Variants in SHPRH observed in about 807,000 individuals in gnomAD.
SHPRH encodes the protein E3 ubiquitin-protein ligase SHPRH.
In SHPRH, 106 loss-of-function variants were observed where a neutral mutation model predicts 202.5. The observed-to-expected ratio is 0.52, with a 90% CI of 0.45 to 0.62. The LOEUF is 0.62. Among genes scored for constraint, SHPRH ranks in the 20% least tolerant of loss-of-function variants. The pLI, the probability that SHPRH is intolerant of heterozygous loss-of-function variation, is 0.00. For missense variants in SHPRH, 1,710 were observed against 2,020.0 expected (o/e 0.85, Z 2.94); for synonymous variants, 729 against 686.0 (o/e 1.06, Z -0.98).
intron 2 of SHPRH, chr6:145,877,842 C>T (rs1167978273): frequency 1.3e-5 from 2 of 152,196 alleles, no homozygotes; most frequent in Non-Finnish European, 2.9e-5. Context: ...ACTGTCCACC[C>T]GAAAATGTTT....
At chr6:145,891,147 C>G (rs1318318710) in intron 28 of SHPRH, among the ~76,000 whole-genome samples, 1 of 152,146 alleles carries the variant, frequency 6.6e-6, no homozygotes, top group Non-Finnish European at 1.5e-5. Flanking sequence ...GGCAAAAGCA[C>G]CATCCTCACA....
intron 25 of SHPRH, chr6:145,904,664 C>G (rs1406488890): frequency 6.6e-6 from 1 of 152,138 alleles, no homozygotes; most frequent in Non-Finnish European, 1.5e-5. Context: ...AAGAGCCAAC[C>G]TAAACATGGC....
chr6:145,924,614 C>T (rs1448570427), intron 17 of SHPRH, 125 bp downstream of exon 17: 3 of 656,810 alleles, frequency 4.6e-6, no homozygotes, highest in Non-Finnish European at 7.9e-6. Context: ...GTGGGTCAGG[C>T]AATGTGCTAG....
At chr6:145,949,912 G>A (rs1787800384) in intron 4 of SHPRH, among the ~76,000 whole-genome samples, 1 of 152,014 alleles carries the variant, frequency 6.6e-6, no homozygotes, top group South Asian at 2.1e-4. Context: ...ATTACATTGT[G>A]AGTTTCTTGC....
chr6:145,951,884 G>C (rs1788015799), intron 3 of SHPRH: 1 of 455,848 alleles, frequency 2.2e-6, no homozygotes, highest in Admixed American at 2.4e-5. Context: ...ACCAATGGCA[G>C]ACAACTCTGA....
At chr6:145,923,605 A>C in intron 18 of SHPRH, 38 bp downstream of exon 18, 2 of 1,590,314 alleles carry the variant, frequency 1.3e-6, no homozygotes, top group Non-Finnish European at 1.7e-6. Flanking sequence ...TTTGCTTTTA[A>C]AATTATGAGT....
intron 1 of SHPRH, among the ~76,000 whole-genome samples, chr6:145,957,503 A>T (rs1788626540): frequency 6.6e-6 from 1 of 152,184 alleles, no homozygotes; most frequent in Non-Finnish European, 1.5e-5. Context: ...AACTCTCACA[A>T]ATTAATAGTA....
At chr6:145,928,489 T>C (rs1785104541) in intron 14 of SHPRH, among the ~76,000 whole-genome samples, 1 of 151,968 alleles carries the variant, frequency 6.6e-6, no homozygotes, top group Admixed American at 6.6e-5. Flanking sequence ...CAAGCTGGTT[T>C]TATGAATATC....
chr6:145,908,526 T>C (rs529901066), intron 25 of SHPRH: 3 of 152,160 alleles, frequency 2.0e-5, no homozygotes, highest in African/African-American at 7.2e-5. Flanking sequence ...TGATGAACTT[T>C]TTTTCATGTT....
chr6:145,960,253 G>C (rs1241228154), intron 1 of SHPRH, among the ~76,000 whole-genome samples: 2 of 152,096 alleles, frequency 1.3e-5, no homozygotes, highest in Admixed American at 6.6e-5. Context: ...CACACAAGTA[G>C]TTTTCAAAGT....
At chr6:145,897,726 C>T (rs1245041943) in intron 25 of SHPRH, among the ~76,000 whole-genome samples, 3 of 151,980 alleles carry the variant, frequency 2.0e-5, no homozygotes, top group Middle Eastern at 3.4e-3. Context: ...GATGGTTTAA[C>T]GTATGCAAAC....
intron 25 of SHPRH, chr6:145,903,580 CA>C (rs770665925): frequency 6.6e-6 from 1 of 152,090 alleles, no homozygotes; most frequent in Middle Eastern, 3.4e-3. Context: ...TTTTAAAAAG[CA>C]GGCCAGTTGA....
intron 11 of SHPRH, among the ~76,000 whole-genome samples, chr6:145,939,617 C>T (rs9497434): frequency 0.63 from 96,269 of 151,934 alleles, 31,011 homozygotes; most frequent in African/African-American, 0.73. Context: ...GGTAAGATCT[C>T]AGACCTTATT....
chr6:145,865,893 T>C (rs1779759073), intron 2 of SHPRH, among the ~76,000 whole-genome samples: 1 of 152,248 alleles, frequency 6.6e-6, no homozygotes. Context: ...AAGAGCACCT[T>C]TTGCAGAAGC....
rs139389905 is a variant in SHPRH at position 145,959,655 on chromosome 6, C to T, written c.-33+4076G>A. Among the ~76,000 whole-genome samples the T allele has an allele frequency of 5.0e-3, 756 of 152,306 alleles. 4 individuals are homozygous for T. Among genetic ancestry groups the T allele is most frequent in the Admixed American group, 0.011 (173 of 15,306 alleles). On this transcript the variant is annotated intron_variant, in intron 1 of 29. Coordinates refer to ENST00000275233, the MANE Select transcript of SHPRH (RefSeq NM_001042683.3). The stretch of plus-strand genomic sequence containing the variant: ...CACTAGCCCCATGTGCTCAGTAGCG[C>T]TATGTGACTAGTGGCTACTGTACTG...
At chr6:145,963,132 G>C (rs1169633712) in intron 1 of SHPRH, among the ~76,000 whole-genome samples, 6 of 152,066 alleles carry the variant, frequency 3.9e-5, no homozygotes, top group Non-Finnish European at 8.8e-5. Context: ...GCTCTAGAAA[G>C]TGCAGGTTAT....
At chr6:145,883,983 A>C (rs2128703028), downstream of SHPRH, 1 of 152,328 alleles carries the variant, frequency 6.6e-6, no homozygotes. Context: ...TCGTCGTTTA[A>C]TAAACGTAAA....
intron 28 of SHPRH, among the ~76,000 whole-genome samples, chr6:145,890,422 C>T (rs1370770659): frequency 2.6e-5 from 4 of 152,170 alleles, no homozygotes; most frequent in Non-Finnish European, 4.4e-5. Context: ...CAATCCTTAT[C>T]TTCCTTGACA....
In SHPRH at chr6:145,894,170, T is replaced by C. The variant is rs199534809; in HGVS notation, c.4675A>G (p.Ser1559Gly). The C allele has an allele frequency of 2.7e-5, 43 of 1,606,340 alleles. No individual in the cohort carries two copies. In the African/African-American group the frequency reaches 5.4e-4, roughly 20 times the overall value. ...TDNNMEFAQI[S>G]RVKTFQENLS... Reference sequence around the variant, plus strand: ...CATACCTGAAATGTCTTAACACGACTGATTTGTGCAAATTCCATGTTGTTG... The same window carrying C: ...CATACCTGAAATGTCTTAACACGACCGATTTGTGCAAATTCCATGTTGTTG... The change falls in exon 27 of 30, where the codon AGT becomes GGT. Residue 1559 changes from serine to glycine, a missense_variant. Ser to Gly is a moderately conservative substitution (Grantham distance 56, BLOSUM62 0). Around this residue, in one of 8 missense-constraint regions of SHPRH, gnomAD observed 306 missense variants for 479.5 expected, o/e 0.64. Transcript: ENST00000275233.
Sources: allele counts gnomAD v4.1 joint callset (sites outside exome capture counted in the v4.1 genomes callset), GRCh38; gene constraint gnomAD v4.1.1; regional missense constraint gnomAD v4.1.1; transcripts MANE v1.5; gene names NCBI Gene and HGNC (gene_info 2026-07-23, HGNC 2026-07-21).